Variants in CLCN5 observed in about 807,000 individuals in gnomAD.
CLCN5 encodes the protein H(+)/Cl(-) exchange transporter 5.
In CLCN5, 17 loss-of-function variants were observed where a neutral mutation model predicts 54.0. That is an observed-to-expected ratio of 0.31 (90% CI 0.22 to 0.47). The LOEUF (loss-of-function observed/expected upper bound fraction) is 0.47. CLCN5 is among the 20% of genes least tolerant of loss of function. CLCN5 has a pLI of 1.00. For missense variants in CLCN5, 448 were observed against 646.7 expected (o/e 0.69, Z 3.33); for synonymous variants, 222 against 233.0 (o/e 0.95, Z 0.43).
chrX:49,978,554 T>C (rs6520497), intron 3 of CLCN5, among the ~76,000 whole-genome samples: 17,031 of 111,996 alleles, frequency 0.15, 3,155 homozygotes, highest in African/African-American at 0.53. Flanking sequence ...ACAAATACAA[T>C]GTACTTACAA....
At chrX:49,957,631 G>A (rs1278260171) in intron 3 of CLCN5, among the ~76,000 whole-genome samples, 4 of 111,663 alleles carry the variant, frequency 3.6e-5, no homozygotes, top group Non-Finnish European at 7.5e-5. Flanking sequence ...TATCATTCAT[G>A]AATTTTATGA....
intron 3 of CLCN5, among the ~76,000 whole-genome samples, chrX:49,994,294 A>G (rs782542616): frequency 6.5e-4 from 73 of 111,463 alleles, no homozygotes; most frequent in Non-Finnish European, 1.0e-3. Context: ...TCTGTAACCC[A>G]TAATAGAATT....
intron 4 of CLCN5, among the ~76,000 whole-genome samples, chrX:50,058,130 T>C (rs782034528): frequency 7.2e-5 from 8 of 111,776 alleles, no homozygotes; most frequent in Non-Finnish European, 1.5e-4. Flanking sequence ...AAAACTGAAA[T>C]ACATTTTTTA....
At chrX:50,076,104 C>G in intron 7 of CLCN5, 122 bp downstream of exon 7, 1 of 629,389 alleles carries the variant, frequency 1.6e-6, no homozygotes, top group South Asian at 2.4e-5. Flanking sequence ...GAAAGGGGAA[C>G]CAGTACCAGC....
intron 3 of CLCN5, among the ~76,000 whole-genome samples, chrX:49,945,701 G>A (rs1424765635): frequency 4.3e-5 from 4 of 92,312 alleles, no homozygotes; most frequent in Non-Finnish European, 8.3e-5. Flanking sequence ...TGATCTGCCC[G>A]CCCTGGCCTC....
chrX:50,005,540 T>G (rs919393437), intron 3 of CLCN5, among the ~76,000 whole-genome samples: 1 of 112,167 alleles, frequency 8.9e-6, no homozygotes, highest in Admixed American at 9.5e-5. Flanking sequence ...TATTTATCAG[T>G]ACTCAGAATA....
intron 3 of CLCN5, among the ~76,000 whole-genome samples, chrX:50,022,941 A>G (rs1349124278): frequency 1.2e-5 from 1 of 82,830 alleles, no homozygotes; most frequent in African/African-American, 6.5e-5. Context: ...TGCTGAAAAA[A>G]ATGTATATTC....
intron 4 of CLCN5, among the ~76,000 whole-genome samples, chrX:50,043,952 G>A (rs1932308962): frequency 9.0e-6 from 1 of 111,487 alleles, no homozygotes; most frequent in Non-Finnish European, 1.9e-5. Flanking sequence ...TCATTATGCA[G>A]CAAATTCATA....
chrX:49,924,145 A>ATTTTTT (rs34424526), intron 2 of CLCN5, among the ~76,000 whole-genome samples: 1,982 of 84,325 alleles, frequency 0.024, 69 homozygotes, highest in African/African-American at 0.086. Flanking sequence ...CCTAGCTCCT[A>ATTTTTT]TTTTTTTTTT....
At chrX:49,947,652 T>C (rs1557172368) in intron 3 of CLCN5, among the ~76,000 whole-genome samples, 1 of 111,797 alleles carries the variant, frequency 8.9e-6, no homozygotes, top group East Asian at 2.8e-4. Flanking sequence ...GTCCCTTCTC[T>C]GTTTATTGTA....
At chrX:50,031,767 G>A (rs1179570641) in intron 3 of CLCN5, among the ~76,000 whole-genome samples, 1 of 108,070 alleles carries the variant, frequency 9.3e-6, no homozygotes, top group East Asian at 2.9e-4. Flanking sequence ...TGTGCACAAT[G>A]TGCAGGTTAG....
At position 50,090,742 on chromosome X, in the gene CLCN5, T is replaced by G; in HGVS notation, c.2216T>G (p.Leu739Trp). Residue 739 changes from leucine to tryptophan, a missense_variant, in exon 14 of 15, where the codon TTG (leucine) becomes TGG (tryptophan). Coordinates refer to ENST00000376091, the MANE Select transcript of CLCN5 (RefSeq NM_001127898.4). ...IIYFTEHSPP[L>W]PPYTPPTLKL... The stretch of plus-strand genomic sequence containing the variant: ...TATTTCACGGAGCATTCTCCTCCAT[T>G]GCCACCATACACTCCACCCACTCTA... The G allele has an allele frequency of 8.3e-7, 1 of 1,210,995 alleles. No individual in the cohort carries two copies. The highest frequency in any genetic ancestry group is 1.1e-6 in the Non-Finnish European group (1 of 894,946).
intron 3 of CLCN5, among the ~76,000 whole-genome samples, chrX:49,958,538 C>G (rs782651609): frequency 9.0e-6 from 1 of 111,702 alleles, no homozygotes; most frequent in African/African-American, 3.2e-5. Flanking sequence ...TTTTTCCCAT[C>G]AAGATTAGCA....
chrX:50,087,302 G>A (rs940563752), intron 11 of CLCN5, among the ~76,000 whole-genome samples: 13 of 111,345 alleles, frequency 1.2e-4, no homozygotes, highest in Admixed American at 1.9e-4. Flanking sequence ...GCTGGGATTC[G>A]ACCATTTTGA....
At chrX:49,991,443 A>G (rs1324800809) in intron 3 of CLCN5, among the ~76,000 whole-genome samples, 2 of 111,625 alleles carry the variant, frequency 1.8e-5, no homozygotes, top group African/African-American at 3.3e-5. Flanking sequence ...CAGATTTTGT[A>G]TATTAGTTCT....
chrX:49,984,567 TTC>T (rs1464581286), intron 3 of CLCN5, among the ~76,000 whole-genome samples: 1 of 111,365 alleles, frequency 9.0e-6, no homozygotes, highest in Non-Finnish European at 1.9e-5. Flanking sequence ...CTTTCTTTCT[TTC>T]TCTCTCTTTC....
At position 50,086,438 on chromosome X, in the gene CLCN5, A is replaced by G. The variant is rs185647748; in HGVS notation, c.1125A>G (p.Leu375=). The change falls in exon 11 of 15, where the codon CTA becomes CTG. Residue 375 remains leucine (L), a synonymous_variant. Coordinates refer to ENST00000376091, the MANE Select transcript of CLCN5 (RefSeq NM_001127898.4). ...INPFGNSRLV[L]FYVEFHTPWH... ...CATTTGGGAACAGCCGCCTGGTACT[A>G]TTTTATGTGGAGTTTCACACCCCAT... 38 of 1,208,857 alleles carry G rather than the reference A, an allele frequency of 3.1e-5. No individual in the cohort carries two copies. The highest frequency in any genetic ancestry group is 4.0e-5 in the Non-Finnish European group (36 of 895,014).
At chrX:50,057,645 G>C (rs868990004) in intron 4 of CLCN5, among the ~76,000 whole-genome samples, 1 of 73,120 alleles carries the variant, frequency 1.4e-5, no homozygotes, top group African/African-American at 6.0e-5. Flanking sequence ...CTCCTGGATA[G>C]ATACTATCCA....
intron 3 of CLCN5, among the ~76,000 whole-genome samples, chrX:49,935,041 A>G (rs1311309654): frequency 9.0e-6 from 1 of 111,631 alleles, no homozygotes; most frequent in Non-Finnish European, 1.9e-5. Context: ...CTGCCATCCA[A>G]ATTCTCAACT....
Sources: gnomAD v4.1 joint callset for allele counts (sites outside exome capture counted in the v4.1 genomes callset) on GRCh38, gnomAD v4.1.1 for gene constraint, MANE v1.5 for transcripts, NCBI Gene and HGNC (gene_info 2026-07-23, HGNC 2026-07-21) for gene names.